The following AGBL4 variants were observed in gnomAD, a reference collection of about 807,000 sequenced individuals.
AGBL4 encodes the protein cytosolic carboxypeptidase 6.
AGBL4 carries 58 observed loss-of-function variants against 66.4 expected under a neutral mutation model. The observed-to-expected ratio is 0.87, with a 90% confidence interval of 0.71 to 1.09. The LOEUF is 1.09. Among genes scored for constraint, AGBL4 ranks in the 50% least tolerant of loss-of-function variants. The probability of loss-of-function intolerance (pLI) is 0.00; values close to 1 mark genes in which losing one functional copy is unlikely to be tolerated. For synonymous variants in AGBL4, 234 were observed against 222.9 expected (o/e 1.05, Z -0.44); for missense variants, 579 against 631.0 (o/e 0.92, Z 0.88).
chr1:48,534,400 G>A (rs1643936413), intron 13 of AGBL4, 107 bp from the exon 14 acceptor site: 1 of 1,389,270 alleles, frequency 7.2e-7, no homozygotes, highest in Non-Finnish European at 9.6e-7. Context: ...AGCCTCCCAG[G>A]AACAGTAACC....
chr1:49,009,963 T>C (rs1662251240), intron 5 of AGBL4, among the ~76,000 whole-genome samples: 1 of 151,944 alleles, frequency 6.6e-6, no homozygotes, highest in African/African-American at 2.4e-5. Context: ...CTTTGAAAAC[T>C]GGCACAAGAC....
At chr1:48,998,373 T>C (rs578033094) in intron 5 of AGBL4, among the ~76,000 whole-genome samples, 1 of 152,204 alleles carries the variant, frequency 6.6e-6, no homozygotes, top group South Asian at 2.1e-4. Context: ...CTCTGAGCTA[T>C]AGCCTGCCCA....
chr1:49,301,887 C>A (rs1196947514), intron 3 of AGBL4, among the ~76,000 whole-genome samples: 1 of 152,086 alleles, frequency 6.6e-6, no homozygotes, highest in African/African-American at 2.4e-5. Flanking sequence ...CATTCCCTAT[C>A]CCCCTGCCCA....
chr1:49,973,565 A>G (rs1234250555), intron 1 of AGBL4, among the ~76,000 whole-genome samples: 1 of 148,954 alleles, frequency 6.7e-6, no homozygotes, highest in East Asian at 1.9e-4. Flanking sequence ...TTTTACATAT[A>G]TAATTATATA....
intron 2 of AGBL4, among the ~76,000 whole-genome samples, chr1:49,802,826 A>C (rs928949626): frequency 2.0e-5 from 3 of 152,138 alleles, no homozygotes; most frequent in African/African-American, 7.2e-5. Context: ...AGAGAGCCCC[A>C]TTGCATTGTG....
At chr1:49,506,147 A>C (rs1648662908) in intron 3 of AGBL4, among the ~76,000 whole-genome samples, 1 of 151,998 alleles carries the variant, frequency 6.6e-6, no homozygotes, top group African/African-American at 2.4e-5. Context: ...GGGTCAGCGA[A>C]CTTTTTGTAT....
chr1:49,718,225 TCA>T (rs1033081555), intron 2 of AGBL4, among the ~76,000 whole-genome samples: 1 of 152,072 alleles, frequency 6.6e-6, no homozygotes, highest in African/African-American at 2.4e-5. Context: ...AAGTGAGTTC[TCA>T]CACAGTTAGT....
chr1:49,677,015 T>C (rs1302621311), intron 3 of AGBL4, among the ~76,000 whole-genome samples: 2 of 152,100 alleles, frequency 1.3e-5, no homozygotes, highest in Non-Finnish European at 1.5e-5. Flanking sequence ...GAATATTCTT[T>C]TTTTTCTTTG....
At chr1:49,240,015 A>G (rs2148317615) in intron 4 of AGBL4, among the ~76,000 whole-genome samples, 1 of 152,152 alleles carries the variant, frequency 6.6e-6, no homozygotes, top group African/African-American at 2.4e-5. Flanking sequence ...ATATTAATTT[A>G]TAAATTTATA....
intron 6 of AGBL4, among the ~76,000 whole-genome samples, chr1:48,729,641 T>C (rs1427866118): frequency 2.0e-5 from 3 of 151,916 alleles, no homozygotes; most frequent in African/African-American, 4.8e-5. Flanking sequence ...TGGGGCAGAA[T>C]CCACTGCTAC....
At chr1:48,747,325 T>G (rs945033198) in intron 6 of AGBL4, among the ~76,000 whole-genome samples, 1 of 152,194 alleles carries the variant, frequency 6.6e-6, no homozygotes, top group Admixed American at 6.5e-5. Context: ...AAATATACCT[T>G]CCATGGAAAG....
At chr1:49,054,520 T>G (rs568189618) in intron 4 of AGBL4, among the ~76,000 whole-genome samples, 21 of 152,140 alleles carry the variant, frequency 1.4e-4, no homozygotes, top group African/African-American at 5.1e-4. Context: ...ATATACTTGT[T>G]AAATCAACAA....
At chr1:48,748,900 A>G (rs963873843) in intron 6 of AGBL4, among the ~76,000 whole-genome samples, 1 of 152,138 alleles carries the variant, frequency 6.6e-6, no homozygotes, top group Admixed American at 6.5e-5. Flanking sequence ...GGGCAGAGGC[A>G]GGAGAAAAAA....
chr1:48,623,475 A>G (rs1645449194), intron 9 of AGBL4, among the ~76,000 whole-genome samples: 1 of 152,238 alleles, frequency 6.6e-6, no homozygotes, highest in Admixed American at 6.5e-5. Context: ...GGAAGGAGTG[A>G]TTAGCCTGGT....
chr1:48,598,058 G>A (rs1365471042), intron 9 of AGBL4, among the ~76,000 whole-genome samples: 1 of 152,176 alleles, frequency 6.6e-6, no homozygotes, highest in Non-Finnish European at 1.5e-5. Flanking sequence ...CCAAAGGGAA[G>A]GCCAGTAGCC....
chr1:49,726,153 A>C (rs1237995596), intron 2 of AGBL4, among the ~76,000 whole-genome samples: 2 of 152,138 alleles, frequency 1.3e-5, no homozygotes, highest in African/African-American at 4.8e-5. Flanking sequence ...GGGTAGTAGA[A>C]GTTTATCAGA....
chr1:49,284,547 T>C (rs1428145507), intron 3 of AGBL4, among the ~76,000 whole-genome samples: 2 of 152,082 alleles, frequency 1.3e-5, no homozygotes, highest in Admixed American at 1.3e-4. Flanking sequence ...GTAAATGGAC[T>C]AAATGCTCCA....
At chr1:49,844,390 C>T (rs540641406) in intron 2 of AGBL4, among the ~76,000 whole-genome samples, 1 of 152,294 alleles carries the variant, frequency 6.6e-6, no homozygotes, top group African/African-American at 2.4e-5. Flanking sequence ...CTCTGTGCTC[C>T]CCTCACAGAC....
At chr1:49,615,603 A>C (rs988068672) in intron 3 of AGBL4, among the ~76,000 whole-genome samples, 1 of 152,130 alleles carries the variant, frequency 6.6e-6, no homozygotes, top group Non-Finnish European at 1.5e-5. Flanking sequence ...ATTTATGTTG[A>C]ATTTCATAAA....
Sources: allele counts gnomAD v4.1 joint callset (sites outside exome capture counted in the v4.1 genomes callset), GRCh38; gene constraint gnomAD v4.1.1; transcripts MANE v1.5; gene names NCBI Gene and HGNC (gene_info 2026-07-23, HGNC 2026-07-21).